NCALD: variants seen among roughly 807,000 people sequenced by gnomAD.
NCALD encodes the protein neurocalcin delta.
A neutral mutation model predicts 18.6 loss-of-function variants in NCALD; 10 were observed. The ratio of observed to expected loss-of-function variants is 0.54; its 90% CI spans 0.33 to 0.91. The LOEUF is 0.91. NCALD is among the 40% of genes least tolerant of loss of function. NCALD has a pLI of 0.03. For synonymous variants in NCALD, 88 were observed against 87.4 expected, an observed-to-expected ratio of 1.01 and a Z score of -0.04; for missense variants, 184 against 247.6, an observed-to-expected ratio of 0.74 and a Z score of 1.72.
At chr8:102,092,924 C>CTA (rs1416430066) in intron 1 of NCALD, among the ~76,000 whole-genome samples, 2 of 152,210 alleles carry the variant, frequency 1.3e-5, no homozygotes, top group Non-Finnish European at 2.9e-5. Context: ...CTCCATTGGA[C>CTA]TATAACTATA....
At chr8:101,850,626 G>A (rs1390237993) in intron 4 of NCALD, among the ~76,000 whole-genome samples, 1 of 152,136 alleles carries the variant, frequency 6.6e-6, no homozygotes, top group Non-Finnish European at 1.5e-5. Context: ...CCATAATAAG[G>A]TAGAAGATAT....
intron 4 of NCALD, among the ~76,000 whole-genome samples, chr8:101,821,321 T>C (rs1356995605): frequency 6.6e-6 from 1 of 152,238 alleles, no homozygotes; most frequent in Non-Finnish European, 1.5e-5. Context: ...GCATTTATCA[T>C]ATGCTCACCA....
chr8:101,823,597 C>A (rs2131204070), intron 4 of NCALD, among the ~76,000 whole-genome samples: 1 of 152,030 alleles, frequency 6.6e-6, no homozygotes, highest in Admixed American at 6.5e-5. Flanking sequence ...TTAATGTCAA[C>A]AGTATGAAAA....
At chr8:101,938,681 T>G (rs1329043437) in intron 2 of NCALD, among the ~76,000 whole-genome samples, 1 of 151,824 alleles carries the variant, frequency 6.6e-6, no homozygotes, top group African/African-American at 2.4e-5. Context: ...TAAGTGGCAA[T>G]AGAAAGATGC....
upstream of NCALD, among the ~76,000 whole-genome samples, chr8:101,795,879 C>G (rs1586525747): frequency 6.6e-6 from 1 of 152,120 alleles, no homozygotes; most frequent in East Asian, 1.9e-4. Context: ...AGAAGATATT[C>G]CAACAATCTG....
At chr8:102,038,038 G>T (rs1274815245) in intron 1 of NCALD, among the ~76,000 whole-genome samples, 1 of 151,982 alleles carries the variant, frequency 6.6e-6, no homozygotes, top group Non-Finnish European at 1.5e-5. Context: ...TTATCAGTTT[G>T]CAGGAATGTA....
intron 1 of NCALD, among the ~76,000 whole-genome samples, chr8:102,072,424 G>C (rs1177088720): frequency 6.6e-6 from 1 of 152,002 alleles, no homozygotes; most frequent in Admixed American, 6.6e-5. Flanking sequence ...AAATATATCA[G>C]GTTTAACCAC....
At chr8:101,909,136 G>A (rs1817705400) in intron 3 of NCALD, among the ~76,000 whole-genome samples, 1 of 152,060 alleles carries the variant, frequency 6.6e-6, no homozygotes, top group Admixed American at 6.6e-5. Context: ...GCCTTTTACT[G>A]CCTATAAGCC....
intron 4 of NCALD, among the ~76,000 whole-genome samples, chr8:101,880,261 C>T (rs913614993): frequency 3.9e-5 from 6 of 152,156 alleles, no homozygotes; most frequent in African/African-American, 7.2e-5. Flanking sequence ...CCTTACTGCC[C>T]GGGGCCAGCA....
At chr8:101,979,779 T>C (rs893685648) in intron 2 of NCALD, among the ~76,000 whole-genome samples, 5 of 152,046 alleles carry the variant, frequency 3.3e-5, no homozygotes, top group African/African-American at 1.2e-4. Flanking sequence ...TAGAAAAAAG[T>C]GAAGAAATCC....
intron 1 of NCALD, among the ~76,000 whole-genome samples, chr8:101,780,844 A>G (rs16868425): frequency 0.081 from 12,253 of 152,202 alleles, 1,319 homozygotes; most frequent in African/African-American, 0.23. Flanking sequence ...TCTTTTAGTT[A>G]ACCTGTAGCA....
At chr8:101,834,430 C>T (rs1318700477) in intron 4 of NCALD, among the ~76,000 whole-genome samples, 1 of 152,232 alleles carries the variant, frequency 6.6e-6, no homozygotes, top group Non-Finnish European at 1.5e-5. Context: ...CACTCCGTGC[C>T]CCTGCCAGGT....
Position 102,058,466 on chromosome 8 carries a change from C to T in NCALD, c.-209-38177G>A, listed in dbSNP as rs201981967. Among the ~76,000 whole-genome samples the T allele has an allele frequency of 2.6e-5, 4 of 152,304 alleles. No individual in the cohort carries two copies. In the East Asian group the frequency reaches 7.7e-4, roughly 29 times the overall value. On this transcript the variant is annotated intron_variant, in intron 1 of 6. Coordinates refer to the NCALD transcript ENST00000311028. ...CTGTGGGCACCATTCATTTTTCCCC[C>T]ACAAAGAAAGAAATTCCTTCTCTAA...
At chr8:101,946,844 G>A (rs1435344769) in intron 2 of NCALD, among the ~76,000 whole-genome samples, 1 of 135,180 alleles carries the variant, frequency 7.4e-6, no homozygotes, top group Non-Finnish European at 1.6e-5. Context: ...AATCTTGTTT[G>A]TGCCCTAATT....
At chr8:102,003,194 G>C (rs1821547481) in intron 2 of NCALD, among the ~76,000 whole-genome samples, 1 of 151,888 alleles carries the variant, frequency 6.6e-6, no homozygotes, top group Non-Finnish European at 1.5e-5. Flanking sequence ...ATGATAAAGG[G>C]GATATCACCA....
At chr8:102,076,207 G>A (rs1379759496) in intron 1 of NCALD, among the ~76,000 whole-genome samples, 2 of 152,130 alleles carry the variant, frequency 1.3e-5, no homozygotes, top group Non-Finnish European at 2.9e-5. Context: ...AAGAAAATGT[G>A]TTATGAAGAT....
At chr8:101,941,173 G>A (rs1272546513) in intron 2 of NCALD, among the ~76,000 whole-genome samples, 1 of 152,186 alleles carries the variant, frequency 6.6e-6, no homozygotes, top group Non-Finnish European at 1.5e-5. Context: ...CAACCTTTAT[G>A]ACACCAGGCA....
chr8:101,892,535 G>A (rs1393617043), intron 3 of NCALD, among the ~76,000 whole-genome samples: 1 of 149,336 alleles, frequency 6.7e-6, no homozygotes, highest in Non-Finnish European at 1.5e-5. Flanking sequence ...CAAATTGAGA[G>A]AAGAAGGCTT....
At chr8:101,747,333 G>A (rs572710372) in intron 1 of NCALD, among the ~76,000 whole-genome samples, 1 of 152,340 alleles carries the variant, frequency 6.6e-6, no homozygotes, top group South Asian at 2.1e-4. Context: ...TGGGGAAAGA[G>A]TCTCCTTGCT....
Sources: gnomAD v4.1 joint callset for allele counts (sites outside exome capture counted in the v4.1 genomes callset) on GRCh38, gnomAD v4.1.1 for gene constraint, MANE v1.5 for transcripts, NCBI Gene and HGNC (gene_info 2026-07-23, HGNC 2026-07-21) for gene names.